ASTN2: variants seen among roughly 807,000 people sequenced by gnomAD.
ASTN2 encodes the protein astrotactin-2.
In ASTN2, 54 loss-of-function variants were observed where a neutral mutation model predicts 139.8. The observed-to-expected ratio is 0.39, with a 90% confidence interval of 0.31 to 0.48. The LOEUF (loss-of-function observed/expected upper bound fraction) is 0.48. ASTN2 is among the 20% of genes least tolerant of loss of function. The probability of loss-of-function intolerance (pLI) is 0.95; values close to 1 mark genes in which losing one functional copy is unlikely to be tolerated. For synonymous variants in ASTN2, 756 were observed against 719.5 expected (o/e 1.05, Z -0.81); for missense variants, 1,565 against 1,725.1 (o/e 0.91, Z 1.64).
chr9:117,314,634 T>C (rs1042747865), intron 1 of ASTN2, among the ~76,000 whole-genome samples: 1 of 146,798 alleles, frequency 6.8e-6, no homozygotes, highest in African/African-American at 2.5e-5. Context: ...CAATATATAA[T>C]TATAATTATT....
At chr9:117,013,606 C>T (rs1398455217) in intron 6 of ASTN2, among the ~76,000 whole-genome samples, 2 of 151,914 alleles carry the variant, frequency 1.3e-5, no homozygotes, top group Non-Finnish European at 2.9e-5. Flanking sequence ...GCTCAGGGGA[C>T]TGCACGGGCA....
chr9:116,444,198 A>G (rs540190731), intron 20 of ASTN2, among the ~76,000 whole-genome samples: 1 of 152,296 alleles, frequency 6.6e-6, no homozygotes, highest in South Asian at 2.1e-4. Flanking sequence ...TTGGTTTCTC[A>G]GACTCTAAAA....
At chr9:117,266,281 A>G (rs2133116813) in intron 2 of ASTN2, among the ~76,000 whole-genome samples, 1 of 152,320 alleles carries the variant, frequency 6.6e-6, no homozygotes, top group South Asian at 2.1e-4. Flanking sequence ...GCACGCCTAC[A>G]AAGCAAAAAG....
intron 13 of ASTN2, among the ~76,000 whole-genome samples, chr9:116,784,135 G>A (rs1408530113): frequency 6.6e-6 from 1 of 152,186 alleles, no homozygotes; most frequent in East Asian, 1.9e-4. Context: ...GATCAAGACT[G>A]CACTCTACAG....
intron 19 of ASTN2, among the ~76,000 whole-genome samples, chr9:116,542,497 AT>A (rs1182210084): frequency 6.6e-6 from 1 of 152,212 alleles, no homozygotes; most frequent in Non-Finnish European, 1.5e-5. Flanking sequence ...TATAAATTCA[AT>A]GTTAACTTTA....
chr9:116,866,630 G>T (rs377403667), intron 10 of ASTN2, among the ~76,000 whole-genome samples: 4 of 152,094 alleles, frequency 2.6e-5, no homozygotes, highest in Admixed American at 1.3e-4. Flanking sequence ...GACCAGGCTG[G>T]GCGTGGTGGC....
chr9:117,002,228 C>A (rs1275403366), intron 7 of ASTN2, among the ~76,000 whole-genome samples: 1 of 152,104 alleles, frequency 6.6e-6, no homozygotes, highest in Non-Finnish European at 1.5e-5. Flanking sequence ...AACAGTAACT[C>A]AAGTTTTAAT....
Position 116,467,980 on chromosome 9 carries a change from C to T in ASTN2, c.3497+19379G>A, listed in dbSNP as rs115502425. On this transcript the variant is annotated intron_variant, in intron 20 of 22. Coordinates refer to ENST00000313400, the MANE Select transcript of ASTN2 (RefSeq NM_001365068.1). ...CACACAACGTTGGCTAGGTCTCTTTCTACCTGGTGCAGAACCAAATTTCCA... is the reference window on the plus strand; with the variant it reads ...CACACAACGTTGGCTAGGTCTCTTTTTACCTGGTGCAGAACCAAATTTCCA... Among the ~76,000 whole-genome samples the T allele has an allele frequency of 2.6e-3, 394 of 152,302 alleles. 2 individuals are homozygous for T. Among genetic ancestry groups the T allele is most frequent in the African/African-American group, 9.2e-3 (381 of 41,566 alleles).
At chr9:117,385,726 G>C (rs946615308) in intron 1 of ASTN2, among the ~76,000 whole-genome samples, 1 of 151,888 alleles carries the variant, frequency 6.6e-6, no homozygotes, top group African/African-American at 2.4e-5. Context: ...GAAAAGGAGG[G>C]GAGGAAAGAG....
In ASTN2 at chr9:116,677,043, AT is replaced by A. The variant is rs757866912; in HGVS notation, c.2807-25251del. On this transcript the variant is annotated intron_variant, in intron 16 of 22. Coordinates refer to ENST00000313400, the MANE Select transcript of ASTN2 (RefSeq NM_001365068.1). ...GCCAGGTAATAAGAGATTTGAAATG[AT>A]TTTTTTTAAAGAGCACTATGGTTAA... Among the ~76,000 whole-genome samples, 7 of 152,334 alleles carry A rather than the reference AT, an allele frequency of 4.6e-5. No homozygotes were observed. In the South Asian group the frequency reaches 8.3e-4, roughly 18 times the overall value.
At chr9:117,208,262 A>G (rs1354452466) in intron 3 of ASTN2, among the ~76,000 whole-genome samples, 7 of 152,276 alleles carry the variant, frequency 4.6e-5, no homozygotes, top group African/African-American at 1.7e-4. Flanking sequence ...CTATATCAAG[A>G]AAATGATTCA....
intron 13 of ASTN2, 81 bp from the exon 14 acceptor site, chr9:116,733,604 T>C: frequency 6.4e-7 from 1 of 1,571,762 alleles, no homozygotes; most frequent in Non-Finnish European, 8.7e-7. Context: ...CAGGATGCTG[T>C]AGTCAGAATA....
At chr9:116,712,022 T>C (rs1025436391) in intron 16 of ASTN2, among the ~76,000 whole-genome samples, 1 of 152,210 alleles carries the variant, frequency 6.6e-6, no homozygotes, top group Non-Finnish European at 1.5e-5. Flanking sequence ...CTTTAAGTGC[T>C]CCTAGCAAAG....
intron 11 of ASTN2, among the ~76,000 whole-genome samples, chr9:116,861,596 T>A (rs2132337716): frequency 1.3e-5 from 2 of 152,252 alleles, no homozygotes; most frequent in East Asian, 3.9e-4. Context: ...GCACCCCAGT[T>A]TTTCTTGAGA....
chr9:116,844,878 A>C (rs1351529097), intron 11 of ASTN2, among the ~76,000 whole-genome samples: 1 of 152,194 alleles, frequency 6.6e-6, no homozygotes, highest in African/African-American at 2.4e-5. Flanking sequence ...AGGAAATTCA[A>C]ATGCTTTCAG....
At chr9:116,542,168 C>G (rs1265732237) in intron 19 of ASTN2, among the ~76,000 whole-genome samples, 2 of 152,084 alleles carry the variant, frequency 1.3e-5, no homozygotes, top group African/African-American at 2.4e-5. Context: ...TTTAACTGAA[C>G]CCTAATAAAC....
chr9:116,426,132 C>T (rs1233067725), intron 22 of ASTN2, 44 bp from the exon 23 acceptor site: 1 of 1,602,706 alleles, frequency 6.2e-7, no homozygotes, highest in Non-Finnish European at 8.5e-7. Flanking sequence ...AAGTCCAGAT[C>T]AAGAGTTAGA....
At chr9:117,059,996 G>A (rs575304788) in intron 5 of ASTN2, among the ~76,000 whole-genome samples, 2 of 152,156 alleles carry the variant, frequency 1.3e-5, no homozygotes, top group South Asian at 4.1e-4. Context: ...CATGGCAGTT[G>A]TTAAATGCAG....
chr9:116,898,074 T>G (rs1833920343), intron 10 of ASTN2, among the ~76,000 whole-genome samples: 1 of 152,116 alleles, frequency 6.6e-6, no homozygotes, highest in Non-Finnish European at 1.5e-5. Flanking sequence ...AAATGTCTAG[T>G]ACGTAGCCTA....
Sources: gnomAD v4.1 joint callset for allele counts (sites outside exome capture counted in the v4.1 genomes callset) on GRCh38, gnomAD v4.1.1 for gene constraint, MANE v1.5 for transcripts, NCBI Gene and HGNC (gene_info 2026-07-23, HGNC 2026-07-21) for gene names.